RPSA2: variants seen among roughly 807,000 people sequenced by gnomAD.
RPSA2 encodes ribosomal protein SA 2.
At chr19:23,818,093 A>G in the RPSA2 span, 2 of 152,202 alleles carry the variant, frequency 1.3e-5, no homozygotes, top group Non-Finnish European at 1.5e-5. Flanking sequence ...CTTTTTATAA[A>G]TGACGTTTAA....
chr19:23,806,033 A>G, the RPSA2 span, among the ~76,000 whole-genome samples: 1 of 111,496 alleles, frequency 9.0e-6, no homozygotes, highest in Non-Finnish European at 1.7e-5. Flanking sequence ...CTATCTATCT[A>G]TCCTTCTTTC....
the RPSA2 span, among the ~76,000 whole-genome samples, chr19:23,793,336 CATTT>C: frequency 7.0e-6 from 1 of 142,046 alleles, no homozygotes; most frequent in Admixed American, 7.3e-5. Flanking sequence ...TGGTTCAATA[CATTT>C]ATTTCACTTT....
At chr19:23,832,640 G>C in the RPSA2 span, 3 of 1,450,838 alleles carry the variant, frequency 2.1e-6, no homozygotes, top group Non-Finnish European at 2.8e-6. Context: ...CCCTACAAAT[G>C]TGAAGAAGGT....
chr19:23,867,542 A>G, the RPSA2 span, among the ~76,000 whole-genome samples: 5 of 152,138 alleles, frequency 3.3e-5, no homozygotes, highest in Non-Finnish European at 4.4e-5. Flanking sequence ...CAGACAAAAA[A>G]GACTGGGGCC....
the RPSA2 span, among the ~76,000 whole-genome samples, chr19:23,764,441 C>T: frequency 2.0e-5 from 3 of 152,156 alleles, no homozygotes; most frequent in Non-Finnish European, 4.4e-5. Flanking sequence ...TTTTACACTG[C>T]AGTGGATGGC....
the RPSA2 span, among the ~76,000 whole-genome samples, chr19:23,784,924 A>G: frequency 6.6e-6 from 1 of 152,246 alleles, no homozygotes; most frequent in African/African-American, 2.4e-5. Flanking sequence ...ATTGTTACTC[A>G]TGTACTTAGA....
At chr19:23,840,122 A>G in the RPSA2 span, among the ~76,000 whole-genome samples, 2 of 152,244 alleles carry the variant, frequency 1.3e-5, no homozygotes, top group East Asian at 1.9e-4. Context: ...TCTCAAATGA[A>G]TGTGTCCCAG....
chr19:23,806,174 A>G, the RPSA2 span, among the ~76,000 whole-genome samples: 1 of 151,242 alleles, frequency 6.6e-6, no homozygotes, highest in South Asian at 2.1e-4. Context: ...CTTCCTGAGT[A>G]GCTGGGATTA....
the RPSA2 span, among the ~76,000 whole-genome samples, chr19:23,800,191 T>G: frequency 0.98 from 148,435 of 151,696 alleles, 72,714 homozygotes; most frequent in Middle Eastern, 1. Context: ...ACTATGCCCG[T>G]CTTTTTTATT....
the RPSA2 span, among the ~76,000 whole-genome samples, chr19:23,760,938 T>A: frequency 2.0e-4 from 30 of 151,492 alleles, no homozygotes; most frequent in Middle Eastern, 3.5e-3. Flanking sequence ...ATGCAGGGAT[T>A]ACAGGTGTAA....
chr19:23,792,013 C>T, the RPSA2 span, among the ~76,000 whole-genome samples: 10 of 152,136 alleles, frequency 6.6e-5, no homozygotes, highest in African/African-American at 2.2e-4. Context: ...TGAGCCACTG[C>T]GCCCTGCCGA....
At chr19:23,858,640 C>A in the RPSA2 span, among the ~76,000 whole-genome samples, 1 of 152,122 alleles carries the variant, frequency 6.6e-6, no homozygotes, top group African/African-American at 2.4e-5. Context: ...ACATAGATAA[C>A]CAAGGTGGAA....
At chr19:23,769,644 G>A in the RPSA2 span, among the ~76,000 whole-genome samples, 2 of 152,054 alleles carry the variant, frequency 1.3e-5, no homozygotes, top group Admixed American at 6.6e-5. Flanking sequence ...ATGCCCGGCC[G>A]ATGTGTCTCT....
chr19:23,759,998 A>G, the RPSA2 span, among the ~76,000 whole-genome samples: 1 of 152,158 alleles, frequency 6.6e-6, no homozygotes, highest in Non-Finnish European at 1.5e-5. Flanking sequence ...GACAGTTCCC[A>G]TAGGTACTTG....
At chr19:23,831,680 G>GA in the RPSA2 span, 1 of 232,224 alleles carries the variant, frequency 4.3e-6, no homozygotes, top group Non-Finnish European at 9.6e-6. Flanking sequence ...GAGAAGACAT[G>GA]AAAAATGTGG....
At chr19:23,796,526 A>G in the RPSA2 span, among the ~76,000 whole-genome samples, 2 of 151,938 alleles carry the variant, frequency 1.3e-5, no homozygotes, top group Admixed American at 1.3e-4. Flanking sequence ...AAATAGTTTC[A>G]GTAGAAATAA....
chr19:23,829,062 A>C, the RPSA2 span, among the ~76,000 whole-genome samples: 1 of 152,082 alleles, frequency 6.6e-6, no homozygotes, highest in Non-Finnish European at 1.5e-5. Flanking sequence ...ATTTTATAAA[A>C]TATTATACTT....
At chr19:23,860,049 A>G in the RPSA2 span, among the ~76,000 whole-genome samples, 1 of 152,148 alleles carries the variant, frequency 6.6e-6, no homozygotes, top group South Asian at 2.1e-4. Flanking sequence ...CCAAGTTTGC[A>G]TTGCACTTTG....
the RPSA2 span, among the ~76,000 whole-genome samples, chr19:23,841,626 G>A: frequency 3.3e-5 from 5 of 152,244 alleles, no homozygotes; most frequent in East Asian, 9.7e-4. Flanking sequence ...TGATTTGTGG[G>A]TTACTGGAAA....
Sources: gnomAD v4.1 joint callset for allele counts (sites outside exome capture counted in the v4.1 genomes callset) on GRCh38, gnomAD v4.1.1 for gene constraint, MANE v1.5 for transcripts, NCBI Gene and HGNC (gene_info 2026-07-23, HGNC 2026-07-21) for gene names.